The following SATB1 variants were observed in gnomAD, a reference collection of about 807,000 sequenced individuals.
The protein encoded by SATB1 is SATB homeobox 1.
A neutral mutation model predicts 86.9 loss-of-function variants in SATB1; 11 were observed. The observed-to-expected ratio is 0.13, with a 90% CI of 0.08 to 0.21. The LOEUF is 0.21. Ranked by LOEUF, SATB1 falls within the 10% of genes least tolerant of loss-of-function variation. SATB1 has a pLI of 1.00. For synonymous variants in SATB1, 357 were observed against 357.2 expected, an observed-to-expected ratio of 1.00 and a Z score of 0.01; for missense variants, 551 against 937.6, an observed-to-expected ratio of 0.59 and a Z score of 5.39.
At chr3:18,425,711 G>A (rs924807356), upstream of SATB1, among the ~76,000 whole-genome samples, 1 of 151,886 alleles carries the variant, frequency 6.6e-6, no homozygotes, top group Non-Finnish European at 1.5e-5. Context: ...ACGCGCCAGG[G>A]AGGGCGCAGA....
Position 18,349,299 on chromosome 3 carries a change from T to C in SATB1, c.2163A>G (p.Glu721=), listed in dbSNP as rs775599955. The C allele has an allele frequency of 3.1e-6, 5 of 1,614,234 alleles. No homozygotes were observed. The South Asian group carries it at 4.4e-5, about 14-fold the overall frequency. The change falls in exon 11 of 11, where the codon GAA becomes GAG. Residue 721 remains glutamate (E), a synonymous_variant. Transcript: ENST00000338745. This position sits in a 1 kb window ranked among gnomAD's most constrained non-coding sequence, Gnocchi z 5.5. ...GLEVDVAEYK[E]EELLKDLEES... ...CTTCCAAATCCTTCAGCAGCTCCTC[T>C]TCTTTATATTCTGCCACATCGACCT...
chr3:18,380,587 CT>C (rs1489919140), intron 8 of SATB1, among the ~76,000 whole-genome samples: 1 of 151,822 alleles, frequency 6.6e-6, no homozygotes, highest in African/African-American at 2.4e-5. Flanking sequence ...GAGGGTGAAA[CT>C]TTAACAATTA....
intron 9 of SATB1, among the ~76,000 whole-genome samples, chr3:18,361,875 ATACATG>A (rs1694920426): frequency 6.6e-6 from 1 of 152,182 alleles, no homozygotes; most frequent in Non-Finnish European, 1.5e-5. Context: ...ATACATATAG[ATACATG>A]TGCATGTGTG....
At chr3:18,440,427 G>GCA (rs1699210560), upstream of SATB1, among the ~76,000 whole-genome samples, 1 of 152,176 alleles carries the variant, frequency 6.6e-6, no homozygotes, top group Non-Finnish European at 1.5e-5. Context: ...CTGGATTATA[G>GCA]CACAGGTAGA....
At chr3:18,384,246 G>C (rs1192914852) in intron 8 of SATB1, among the ~76,000 whole-genome samples, 1 of 152,086 alleles carries the variant, frequency 6.6e-6, no homozygotes, top group East Asian at 1.9e-4. Context: ...AAGCCTTTAA[G>C]CATACATACA....
At chr3:18,419,924 G>A (rs1698303667) in intron 2 of SATB1, among the ~76,000 whole-genome samples, 1 of 152,120 alleles carries the variant, frequency 6.6e-6, no homozygotes, top group Non-Finnish European at 1.5e-5. Context: ...AAATTCCTCT[G>A]CCTTCTAACT....
intron 5 of SATB1, among the ~76,000 whole-genome samples, chr3:18,398,989 G>A (rs760400167): frequency 2.6e-5 from 4 of 152,116 alleles, no homozygotes; most frequent in African/African-American, 4.8e-5. Context: ...TATTGAGATC[G>A]CTGATGGATA....
chr3:18,372,504 C>G (rs1353084955), intron 9 of SATB1, among the ~76,000 whole-genome samples: 2 of 152,154 alleles, frequency 1.3e-5, no homozygotes, highest in African/African-American at 4.8e-5. Flanking sequence ...TACCAAGTGT[C>G]TAGGGGATAA....
At chr3:18,420,553 C>G in intron 2 of SATB1, 1 of 581,854 alleles carries the variant, frequency 1.7e-6, no homozygotes, top group East Asian at 2.9e-5. Flanking sequence ...TTCCAGTCTA[C>G]AGTAGAACGC....
chr3:18,381,626 A>C (rs1326034753), intron 8 of SATB1, among the ~76,000 whole-genome samples: 1 of 152,156 alleles, frequency 6.6e-6, no homozygotes, highest in Non-Finnish European at 1.5e-5. Context: ...ACTTGAAAAA[A>C]TTCTTAATTT....
intron 5 of SATB1, among the ~76,000 whole-genome samples, chr3:18,408,098 T>C (rs1697639087): frequency 6.6e-6 from 1 of 152,084 alleles, no homozygotes; most frequent in Non-Finnish European, 1.5e-5. Context: ...GGTTTGCATC[T>C]TCAACCTGAG....
intron 5 of SATB1, among the ~76,000 whole-genome samples, chr3:18,410,291 C>T (rs1409734824): frequency 6.6e-6 from 1 of 151,992 alleles, no homozygotes; most frequent in Non-Finnish European, 1.5e-5. Context: ...TATTATAAAA[C>T]CTATCCAATT....
chr3:18,386,707 G>A lies in SATB1; in HGVS notation c.1207-96C>T, dbSNP rs1696361956. The A allele has an allele frequency of 1.0e-6, 1 of 959,324 alleles. No individual in the cohort carries two copies. The highest frequency in any genetic ancestry group is 1.9e-5 in the Admixed American group (1 of 51,924). 59.4% of individuals were successfully genotyped at this position (959,324 alleles called of 1,614,324 possible). On this transcript the variant is annotated intron_variant, in intron 7 of 10. Transcript: ENST00000338745. The surrounding 1 kb of genome is among the most constrained non-coding windows in gnomAD (Gnocchi z 4.5). ...TTCTTCTCCACTCTGTTTAGAAAAT[G>A]AACAGTCAGAGGCATTAATTCTGCA...
At chr3:18,381,336 AC>A (rs1323147004) in intron 8 of SATB1, among the ~76,000 whole-genome samples, 1 of 152,216 alleles carries the variant, frequency 6.6e-6, no homozygotes, top group Non-Finnish European at 1.5e-5. Context: ...CTGCTTTTAC[AC>A]AAGCAAAATT....
intron 9 of SATB1, among the ~76,000 whole-genome samples, chr3:18,369,095 C>T (rs1035539811): frequency 1.3e-5 from 2 of 151,468 alleles, no homozygotes; most frequent in South Asian, 4.2e-4. Flanking sequence ...AAGTTCCTAA[C>T]TGGGGCCATT....
At position 18,367,943 on chromosome 3, in the gene SATB1, T is replaced by C. The variant is rs115031222; in HGVS notation, c.1575+10227A>G. ...GTGACTGAACTTGCATGCTGGCTTATCCCTAACATACCTTCAAGTAGCTGT... is the reference window on the plus strand; with the variant it reads ...GTGACTGAACTTGCATGCTGGCTTACCCCTAACATACCTTCAAGTAGCTGT... On this transcript the variant is annotated intron_variant, in intron 9 of 10. Coordinates refer to ENST00000338745, the MANE Select transcript of SATB1 (RefSeq NM_002971.6). Among the ~76,000 whole-genome samples the C allele has an allele frequency of 4.1e-3, 630 of 152,308 alleles. 5 individuals carry two copies. The highest frequency in any genetic ancestry group is 0.015 in the African/African-American group (603 of 41,560).
Position 18,432,936 on chromosome 3 carries a change from C to A in SATB1, c.-25+3853G>T, listed in dbSNP as rs150992697. On this transcript the variant is annotated intron_variant, in intron 2 of 3. Coordinates refer to the SATB1 transcript ENST00000414509. ...ATCACATTGAACAATCCCATCCCCA[C>A]CCCAATCTTACATTGCTTTGTCCTT... 1.8e-3 allele frequency among the ~76,000 whole-genome samples: 272 copies of A among 152,196 alleles called. 2 individuals carry two copies. Among genetic ancestry groups the A allele is most frequent in the African/African-American group, 6.3e-3 (262 of 41,486 alleles).
rs759297129 is a variant in SATB1 at position 18,444,320 on chromosome 3, G to A, written c.-25+1198C>T. 3.9e-5 allele frequency among the ~76,000 whole-genome samples: 6 copies of A among 152,060 alleles called. No individual in the cohort carries two copies. The highest frequency in any genetic ancestry group is 8.8e-5 in the Non-Finnish European group (6 of 68,006). On this transcript the variant is annotated intron_variant, in intron 1 of 3. Transcript: ENST00000415069. The surrounding 1 kb of genome is among the most constrained non-coding windows in gnomAD (Gnocchi z 5.1). ...CAGCCAGGGTCTATTGGGCAGGTGTGGTGGTGTGTCCACACCCAGACAGAA... is the reference window on the plus strand; with the variant it reads ...CAGCCAGGGTCTATTGGGCAGGTGTAGTGGTGTGTCCACACCCAGACAGAA...
At chr3:18,417,150 G>A in intron 2 of SATB1, 72 bp from the exon 3 acceptor site, 1 of 1,441,934 alleles carries the variant, frequency 6.9e-7, no homozygotes, top group Admixed American at 1.9e-5. Context: ...GGTGGCGGGA[G>A]GAAATATTAG....
Sources: gnomAD v4.1 joint callset for allele counts (sites outside exome capture counted in the v4.1 genomes callset) on GRCh38, gnomAD v4.1.1 for gene constraint, Gnocchi (gnomAD v3.1) non-coding constraint, MANE v1.5 for transcripts, NCBI Gene and HGNC (gene_info 2026-07-23, HGNC 2026-07-21) for gene names.